ENPP1: variants seen among roughly 807,000 people sequenced by gnomAD.
The protein encoded by ENPP1 is ectonucleotide pyrophosphatase/phosphodiesterase 1.
ENPP1 carries 73 observed loss-of-function variants against 122.8 expected under a neutral mutation model. That is an observed-to-expected ratio of 0.59 (90% CI 0.49 to 0.72). The LOEUF is 0.72. ENPP1 is among the 30% of genes least tolerant of loss of function. The pLI is 0.00. For missense variants in ENPP1, 978 were observed against 1,128.1 expected (o/e 0.87, Z 1.91); for synonymous variants, 367 against 391.6 (o/e 0.94, Z 0.74).
intron 1 of ENPP1, among the ~76,000 whole-genome samples, chr6:131,816,587 A>T (rs1210974952): frequency 6.6e-6 from 1 of 152,264 alleles, no homozygotes; most frequent in Non-Finnish European, 1.5e-5. Context: ...AAGAGTGACC[A>T]GAATGTTCAG....
chr6:131,855,674 G>C (rs958338419), intron 6 of ENPP1, among the ~76,000 whole-genome samples: 2 of 151,786 alleles, frequency 1.3e-5, no homozygotes, highest in Non-Finnish European at 2.9e-5. Flanking sequence ...AAAACTAAAG[G>C]TATTTCTGAG....
At chr6:131,822,582 T>TA (rs959387340) in intron 1 of ENPP1, among the ~76,000 whole-genome samples, 13 of 149,852 alleles carry the variant, frequency 8.7e-5, no homozygotes, top group Non-Finnish European at 5.9e-5. Context: ...ATATCACTTT[T>TA]AAAAAAAAAA....
intron 16 of ENPP1, 147 bp downstream of exon 16, chr6:131,874,484 A>T (rs1782202751): frequency 1.6e-6 from 1 of 611,068 alleles, no homozygotes; most frequent in African/African-American, 2.0e-5. Flanking sequence ...TTTGAACATT[A>T]AAGAATTTTG....
rs998933669 is a variant in ENPP1, at chr6:131,890,525, C to T, written c.*14C>T. On this transcript the variant is annotated 3_prime_UTR_variant, in exon 25 of 25. Transcript: ENST00000647893. Reference sequence around the variant, plus strand: ...CAAGAAGACTGATATGTTTTTTATCCCCAAACACCATGAATCTTTTTGAGA... The same window carrying T: ...CAAGAAGACTGATATGTTTTTTATCTCCAAACACCATGAATCTTTTTGAGA... 1.9e-6 allele frequency: 3 copies of T among 1,603,120 alleles called. No individual in the cohort carries two copies. The highest frequency in any genetic ancestry group is 1.1e-5 in the South Asian group (1 of 90,854).
At chr6:131,880,120 C>T in intron 20 of ENPP1, 86 bp downstream of exon 20, 1 of 1,374,112 alleles carries the variant, frequency 7.3e-7, no homozygotes, top group Non-Finnish European at 1.0e-6. Context: ...CACTGTTCAC[C>T]TTGGCTTTAT....
chr6:131,808,132 C>A lies in ENPP1; in HGVS notation c.97C>A (p.Arg33Ser), dbSNP rs1236988775. The change falls in exon 1 of 25, where the codon CGC (arginine) becomes AGC (serine). Residue 33 changes from arginine to serine, a missense_variant. Coordinates refer to ENST00000647893, the MANE Select transcript of ENPP1 (RefSeq NM_006208.3). ...GPAGNGRDRG[R>S]SHAAEAPGDP... is the part of the protein sequence containing the mutation. ...GGCGGGGAACGGCCGCGATCGGGGC[C>A]GCAGCCACGCTGCCGAGGCGCCCGG... 2.2e-6 allele frequency: 3 copies of A among 1,378,916 alleles called. 1 individual carries two copies. In the South Asian group the frequency reaches 5.0e-5, roughly 23 times the overall value. The allele number at this position is 1,378,916 out of a possible 1,614,324, so 85.4% of individuals were successfully genotyped here.
intron 10 of ENPP1, 88 bp downstream of exon 10, chr6:131,864,659 A>T: frequency 3.1e-6 from 3 of 955,984 alleles, no homozygotes; most frequent in Non-Finnish European, 1.7e-6. Context: ...AAACTTTGCT[A>T]TTTGCTATGA....
chr6:131,885,966 C>G lies in ENPP1; in HGVS notation c.2445-596C>G, dbSNP rs1165145113. ...GTCATATTTGAAAACAATGATTCCA[C>G]TGCCTTAAATTTTGAAAGATGTTGA... On this transcript the variant is annotated intron_variant, in intron 23 of 24. Transcript: ENST00000647893. Among the ~76,000 whole-genome samples, 4 of 152,136 alleles carry G rather than the reference C, an allele frequency of 2.6e-5. 1 individual carries two copies.
In ENPP1 at chr6:131,841,362, A is replaced by C. The variant is rs558501365; in HGVS notation, c.241-6414A>C. Among the ~76,000 whole-genome samples, 29 of 152,346 alleles carry C rather than the reference A, an allele frequency of 1.9e-4. No homozygotes were observed. The East Asian group carries it at 3.7e-3, about 19-fold the overall frequency. On this transcript the variant is annotated intron_variant, in intron 1 of 24. Transcript: ENST00000647893. Reference sequence around the variant, plus strand: ...TCAGAAAGCATGCAACTTTGGTCAAAGATCAGAGGACTGATAGGCAATGTA... The same window carrying C: ...TCAGAAAGCATGCAACTTTGGTCAACGATCAGAGGACTGATAGGCAATGTA...
intron 1 of ENPP1, among the ~76,000 whole-genome samples, chr6:131,816,640 T>C (rs1781417952): frequency 1.3e-5 from 2 of 152,376 alleles, no homozygotes; most frequent in Non-Finnish European, 2.9e-5. Flanking sequence ...ATTCTAGTTA[T>C]CTGAGATTTA....
chr6:131,841,979 C>T (rs1397070268), intron 1 of ENPP1, among the ~76,000 whole-genome samples: 3 of 152,114 alleles, frequency 2.0e-5, no homozygotes, highest in South Asian at 4.1e-4. Context: ...ACTGACCGCC[C>T]GCAGGCTGCC....
At chr6:131,827,680 A>T (rs541822703) in intron 1 of ENPP1, 10 of 651,368 alleles carry the variant, frequency 1.5e-5, no homozygotes, top group African/African-American at 1.3e-4. Flanking sequence ...CTCTACGTGC[A>T]TGCGGAATCT....
intron 1 of ENPP1, among the ~76,000 whole-genome samples, chr6:131,820,994 G>T (rs1160508582): frequency 6.6e-6 from 1 of 152,102 alleles, no homozygotes; most frequent in Non-Finnish European, 1.5e-5. Context: ...CTGAATAAGT[G>T]GTTTTTTCTT....
At chr6:131,840,936 G>A (rs1488737327) in intron 1 of ENPP1, among the ~76,000 whole-genome samples, 1 of 152,150 alleles carries the variant, frequency 6.6e-6, no homozygotes, top group Non-Finnish European at 1.5e-5. Flanking sequence ...GTCCCTATGT[G>A]ATGTGCTTGT....
At chr6:131,860,542 A>G in intron 8 of ENPP1, 36 bp downstream of exon 8, 1 of 1,469,692 alleles carries the variant, frequency 6.8e-7, no homozygotes, top group Non-Finnish European at 9.5e-7. Context: ...ATAGTTAATT[A>G]TTCTCATCTA....
At chr6:131,883,391 A>G (rs537791569) in intron 21 of ENPP1, among the ~76,000 whole-genome samples, 34 of 152,350 alleles carry the variant, frequency 2.2e-4, no homozygotes, top group South Asian at 1.5e-3. Flanking sequence ...AAGATTGTCA[A>G]CACAATTCCT....
chr6:131,819,941 T>TC, intron 1 of ENPP1: 1 of 453,798 alleles, frequency 2.2e-6, no homozygotes, highest in South Asian at 2.1e-5. Context: ...CATAGCTTCT[T>TC]TTTTTTTTTT....
At chr6:131,852,281 C>A in intron 5 of ENPP1, 46 bp downstream of exon 5, 2 of 1,144,942 alleles carry the variant, frequency 1.7e-6, no homozygotes, top group Non-Finnish European at 1.3e-6. Context: ...TTTAGAAGTA[C>A]AGCATCATTT....
At chr6:131,820,208 G>C in intron 1 of ENPP1, 1 of 217,926 alleles carries the variant, frequency 4.6e-6, no homozygotes, top group Non-Finnish European at 9.2e-6. Flanking sequence ...GGCATCTTAG[G>C]GTTGTTAGTA....
Sources: allele counts gnomAD v4.1 joint callset (sites outside exome capture counted in the v4.1 genomes callset), GRCh38; gene constraint gnomAD v4.1.1; transcripts MANE v1.5; gene names NCBI Gene and HGNC (gene_info 2026-07-23, HGNC 2026-07-21).